The following ZNF475 variants were observed in gnomAD, a reference collection of about 807,000 sequenced individuals.
ZNF475 encodes the protein zinc finger protein 475.
the ZNF475 span, among the ~76,000 whole-genome samples, chr5:122,163,752 C>T: frequency 6.6e-6 from 1 of 152,182 alleles, no homozygotes; most frequent in African/African-American, 2.4e-5. Flanking sequence ...AAGCAAAAAT[C>T]CCCCAGAGAG....
chr5:122,180,781 T>C, the ZNF475 span, among the ~76,000 whole-genome samples: 1 of 152,244 alleles, frequency 6.6e-6, no homozygotes, highest in African/African-American at 2.4e-5. Flanking sequence ...ACCCACAAAG[T>C]AGACCCTAGA....
chr5:122,176,834 G>T, the ZNF475 span, among the ~76,000 whole-genome samples: 1 of 152,126 alleles, frequency 6.6e-6, no homozygotes, highest in Non-Finnish European at 1.5e-5. Flanking sequence ...TCTCCAATGG[G>T]CTCAAAAATT....
chr5:122,178,546 T>C, the ZNF475 span, among the ~76,000 whole-genome samples: 1 of 152,224 alleles, frequency 6.6e-6, no homozygotes, highest in African/African-American at 2.4e-5. Context: ...TTGAGAAATG[T>C]CTATTTATAT....
the ZNF475 span, among the ~76,000 whole-genome samples, chr5:122,176,406 C>G: frequency 6.6e-6 from 1 of 152,116 alleles, no homozygotes; most frequent in South Asian, 2.1e-4. Flanking sequence ...TTATGTCAAA[C>G]TCAACAGATC....
the ZNF475 span, among the ~76,000 whole-genome samples, chr5:122,165,226 T>A: frequency 1.7e-4 from 26 of 152,362 alleles, 1 homozygote; most frequent in East Asian, 5.0e-3. Context: ...AGCAGAGGTC[T>A]CTGGTTTATC....
At chr5:122,174,309 C>A in the ZNF475 span, among the ~76,000 whole-genome samples, 1 of 152,138 alleles carries the variant, frequency 6.6e-6, no homozygotes, top group South Asian at 2.1e-4. Flanking sequence ...TGGCAATAAC[C>A]ACAAGTTGGA....
chr5:122,166,781 T>C, the ZNF475 span, among the ~76,000 whole-genome samples: 3 of 152,246 alleles, frequency 2.0e-5, no homozygotes, highest in Admixed American at 6.5e-5. Context: ...CTATTGTGAA[T>C]AGTGCTGCAA....
At chr5:122,171,984 A>G in the ZNF475 span, among the ~76,000 whole-genome samples, 1 of 152,110 alleles carries the variant, frequency 6.6e-6, no homozygotes, top group Non-Finnish European at 1.5e-5. Context: ...GGCTCAAGCA[A>G]TCTACCTGCC....
chr5:122,170,698 A>T, the ZNF475 span, among the ~76,000 whole-genome samples: 10 of 152,170 alleles, frequency 6.6e-5, no homozygotes, highest in African/African-American at 9.7e-5. Context: ...ATTAGTGATT[A>T]TCTCAATCCC....
the ZNF475 span, among the ~76,000 whole-genome samples, chr5:122,181,879 AG>A: frequency 9.2e-4 from 140 of 152,262 alleles, no homozygotes; most frequent in African/African-American, 3.2e-3. Flanking sequence ...TATTTTCTTA[AG>A]GACGTATCTT....
the ZNF475 span, among the ~76,000 whole-genome samples, chr5:122,173,486 AG>A: frequency 3.9e-5 from 6 of 152,222 alleles, no homozygotes; most frequent in Admixed American, 1.3e-4. Flanking sequence ...GATGGATGCC[AG>A]GTTATATACA....
At chr5:122,165,146 A>G in the ZNF475 span, among the ~76,000 whole-genome samples, 17 of 152,364 alleles carry the variant, frequency 1.1e-4, no homozygotes, top group African/African-American at 4.1e-4. Flanking sequence ...CTATTGAGGG[A>G]CAGCCCTTTC....
chr5:122,177,698 A>G, the ZNF475 span, among the ~76,000 whole-genome samples: 18 of 152,250 alleles, frequency 1.2e-4, no homozygotes, highest in South Asian at 3.7e-3. Context: ...ATGTGGTATA[A>G]TTTTAAAATA....
At chr5:122,171,335 G>T in the ZNF475 span, among the ~76,000 whole-genome samples, 2 of 152,014 alleles carry the variant, frequency 1.3e-5, no homozygotes, top group Non-Finnish European at 1.5e-5. Flanking sequence ...AAGTATAAAA[G>T]TTACCCCACA....
chr5:122,160,985 A>C, the ZNF475 span, among the ~76,000 whole-genome samples: 1 of 152,230 alleles, frequency 6.6e-6, no homozygotes, highest in Admixed American at 6.5e-5. Context: ...GCAATCTGTA[A>C]GGAGTCCTTA....
the ZNF475 span, among the ~76,000 whole-genome samples, chr5:122,166,616 G>C: frequency 5.3e-5 from 8 of 152,126 alleles, no homozygotes; most frequent in African/African-American, 1.9e-4. Context: ...CCTTGTGATT[G>C]CTGAAAATGA....
the ZNF475 span, among the ~76,000 whole-genome samples, chr5:122,178,169 A>G: frequency 3.9e-5 from 6 of 152,152 alleles, no homozygotes; most frequent in African/African-American, 9.7e-5. Flanking sequence ...GTTGGTTCCA[A>G]GTCTTTGCTA....
the ZNF475 span, among the ~76,000 whole-genome samples, chr5:122,173,882 G>A: frequency 8.5e-5 from 13 of 152,206 alleles, no homozygotes; most frequent in African/African-American, 1.4e-4. Context: ...GAAAAGTAAT[G>A]CCACATCAGC....
chr5:122,182,403 A>G, the ZNF475 span: 3 of 1,024,078 alleles, frequency 2.9e-6, no homozygotes, highest in East Asian at 8.3e-5. Context: ...CCGAATAAAA[A>G]CTGATCCATT....
Sources: allele counts gnomAD v4.1 joint callset (sites outside exome capture counted in the v4.1 genomes callset), GRCh38; gene constraint gnomAD v4.1.1; transcripts MANE v1.5; gene names NCBI Gene and HGNC (gene_info 2026-07-23, HGNC 2026-07-21).